The following UGT1A6 variants were observed in gnomAD, a reference collection of about 807,000 sequenced individuals.
UGT1A6 encodes the protein UDP-glucuronosyltransferase 1A6.
UGT1A6 carries 32 observed loss-of-function variants against 44.4 expected under a neutral mutation model. The ratio of observed to expected loss-of-function variants is 0.72; its 90% CI spans 0.54 to 0.97. The LOEUF (loss-of-function observed/expected upper bound fraction) is 0.97, where lower values mean the gene tolerates loss of function less well. Ranked by LOEUF, UGT1A6 falls within the 50% of genes least tolerant of loss-of-function variation. The pLI is 0.00. For synonymous variants in UGT1A6, 238 were observed against 248.5 expected, an observed-to-expected ratio of 0.96 and a Z score of 0.40; for missense variants, 685 against 661.9, an observed-to-expected ratio of 1.03 and a Z score of -0.38.
intron 1 of UGT1A6, chr2:233,719,611 A>G: frequency 6.2e-7 from 1 of 1,613,980 alleles, no homozygotes; most frequent in Non-Finnish European, 8.5e-7. Flanking sequence ...TTTGTGATGG[A>G]CTACCCCAGG....
At chr2:233,731,933 C>A (rs562066404) in intron 1 of UGT1A6, among the ~76,000 whole-genome samples, 9 of 152,358 alleles carry the variant, frequency 5.9e-5, no homozygotes, top group Admixed American at 1.3e-4. Flanking sequence ...TCTCCACATC[C>A]TCTCCAACAT....
intron 1 of UGT1A6, chr2:233,729,857 CAGT>C (rs759461021): frequency 1.9e-6 from 3 of 1,613,876 alleles, no homozygotes; most frequent in Non-Finnish European, 2.5e-6. Flanking sequence ...AGAGAGGTGT[CAGT>C]GGTGGATATT....
intron 1 of UGT1A6, among the ~76,000 whole-genome samples, chr2:233,746,869 C>T (rs769029902): frequency 3.3e-5 from 5 of 151,744 alleles, no homozygotes; most frequent in African/African-American, 4.9e-5. Flanking sequence ...GCCTGATAAA[C>T]GTGGTTAACA....
chr2:233,757,314 T>A (rs1406248640), intron 1 of UGT1A6, among the ~76,000 whole-genome samples: 1 of 20,476 alleles, frequency 4.9e-5, no homozygotes, highest in Non-Finnish European at 9.0e-5. Flanking sequence ...ACAGGGGGGC[T>A]GGGGCCCTGA....
chr2:233,711,999 G>A (rs746507163), intron 1 of UGT1A6, among the ~76,000 whole-genome samples: 2 of 152,198 alleles, frequency 1.3e-5, no homozygotes, highest in Non-Finnish European at 2.9e-5. Context: ...ATTCTGTTCT[G>A]GAGGAACCAT....
intron 1 of UGT1A6, among the ~76,000 whole-genome samples, chr2:233,739,592 T>C (rs1481710171): frequency 2.0e-5 from 3 of 152,236 alleles, no homozygotes; most frequent in South Asian, 2.1e-4. Flanking sequence ...ATGGGGCCTA[T>C]AGCCCCTTTG....
chr2:233,757,888 A>G (rs182101094), intron 1 of UGT1A6, among the ~76,000 whole-genome samples: 97 of 152,124 alleles, frequency 6.4e-4, no homozygotes, highest in African/African-American at 2.1e-3. Flanking sequence ...GGGTTCCAGA[A>G]ACACTTTCCA....
At chr2:233,724,827 C>G (rs2077319542) in intron 1 of UGT1A6, among the ~76,000 whole-genome samples, 1 of 135,060 alleles carries the variant, frequency 7.4e-6, no homozygotes, top group Non-Finnish European at 1.6e-5. Context: ...AATCTCGGCA[C>G]TTTGGGAGGC....
intron 1 of UGT1A6, chr2:233,760,975 T>A: frequency 6.2e-7 from 1 of 1,614,220 alleles, no homozygotes; most frequent in Non-Finnish European, 8.5e-7. Context: ...TTATTCCCCG[T>A]ATGCAACCCT....
At chr2:233,767,000 A>C (rs750045241) in intron 1 of UGT1A6, 34 bp from the exon 2 acceptor site, 2 of 1,613,618 alleles carry the variant, frequency 1.2e-6, no homozygotes, top group Non-Finnish European at 1.7e-6. Flanking sequence ...GAATATGAGA[A>C]AAAATTAACT....
At chr2:233,714,500 A>C (rs558780579) in intron 1 of UGT1A6, among the ~76,000 whole-genome samples, 48 of 152,320 alleles carry the variant, frequency 3.2e-4, no homozygotes, top group Admixed American at 1.4e-3. Context: ...ACACTACTTA[A>C]AAAAAATTCT....
At chr2:233,749,503 T>C (rs1362784067) in intron 1 of UGT1A6, among the ~76,000 whole-genome samples, 2 of 151,872 alleles carry the variant, frequency 1.3e-5, no homozygotes, top group African/African-American at 2.4e-5. Flanking sequence ...CTTAGAGAAT[T>C]AGAGAACACT....
At position 233,772,301 on chromosome 2, in the gene UGT1A6, G is replaced by A. The variant is rs1384880194; in HGVS notation, c.1341G>A (p.Lys447=). ...TCATGCGCCTCTCCAGCCTTCACAA[G>A]GACCGCCCGGTGGAGCCGCTGGACC... ...ENIMRLSSLH[K]DRPVEPLDLA... The change falls in exon 5 of 5, where the codon AAG becomes AAA. Residue 447 remains lysine (K), a synonymous_variant. Transcript: ENST00000305139. The A allele has an allele frequency of 3.7e-6, 6 of 1,614,106 alleles. No individual in the cohort carries two copies. The highest frequency in any genetic ancestry group is 5.1e-6 in the Non-Finnish European group (6 of 1,180,054).
At chr2:233,742,623 T>C (rs1436879759) in intron 1 of UGT1A6, 3 of 151,992 alleles carry the variant, frequency 2.0e-5, no homozygotes, top group Non-Finnish European at 2.9e-5. Flanking sequence ...ACGTTCAGGC[T>C]GAAGACAGTC....
chr2:233,713,808 A>G, intron 1 of UGT1A6: 2 of 1,614,048 alleles, frequency 1.2e-6, no homozygotes, highest in Non-Finnish European at 1.7e-6. Flanking sequence ...CATGCCCAAC[A>G]TGGTCTTCAT....
rs1315279815 is a variant in UGT1A6 at position 233,769,066 on chromosome 2, A to T, written c.1301+627A>T. Reference sequence around the variant, plus strand: ...ATCCATAAGTTTCCTGCACAGAAAGAAATACTCCATTATAAGAAGCATAGT... The same window carrying T: ...ATCCATAAGTTTCCTGCACAGAAAGTAATACTCCATTATAAGAAGCATAGT... On this transcript the variant is annotated intron_variant, in intron 4 of 4. Transcript: ENST00000305139. The surrounding 1 kb of genome is among the most constrained non-coding windows in gnomAD (Gnocchi z 4.4). 6.6e-6 allele frequency among the ~76,000 whole-genome samples: 1 copy of T among 152,220 alleles called. No homozygotes were observed. Among genetic ancestry groups the T allele is most frequent in the African/African-American group, 2.4e-5 (1 of 41,470 alleles).
intron 1 of UGT1A6, among the ~76,000 whole-genome samples, chr2:233,708,858 T>C (rs188966229): frequency 6.6e-6 from 1 of 152,170 alleles, no homozygotes; most frequent in East Asian, 1.9e-4. Flanking sequence ...TTTTTTAATC[T>C]CTTTTATTGG....
chr2:233,763,099 C>A (rs1698236353), intron 1 of UGT1A6, among the ~76,000 whole-genome samples: 3 of 152,172 alleles, frequency 2.0e-5, no homozygotes. Flanking sequence ...AGGAGAGGCA[C>A]CGAACTTTAT....
At chr2:233,718,910 G>A (rs760663679) in intron 1 of UGT1A6, 1 of 1,613,956 alleles carries the variant, frequency 6.2e-7, no homozygotes, top group Non-Finnish European at 8.5e-7. Context: ...AGAGTGGAAA[G>A]GTGTTGGTGG....
Sources: gnomAD v4.1 joint callset for allele counts (sites outside exome capture counted in the v4.1 genomes callset) on GRCh38, gnomAD v4.1.1 for gene constraint, Gnocchi (gnomAD v3.1) non-coding constraint, MANE v1.5 for transcripts, NCBI Gene and HGNC (gene_info 2026-07-23, HGNC 2026-07-21) for gene names.